The following FAM135B variants were observed in gnomAD, a reference collection of about 807,000 sequenced individuals.
The protein encoded by FAM135B is protein FAM135B.
In FAM135B, 43 loss-of-function variants were observed where a neutral mutation model predicts 127.7. That is an observed-to-expected ratio of 0.34 (90% CI 0.26 to 0.43). The LOEUF is 0.43. Among genes scored for constraint, FAM135B ranks in the 20% least tolerant of loss-of-function variants. The pLI is 1.00. For missense variants in FAM135B, 1,558 were observed against 1,725.6 expected, an observed-to-expected ratio of 0.90 and a Z score of 1.72; for synonymous variants, 670 against 665.1, an observed-to-expected ratio of 1.01 and a Z score of -0.11.
In FAM135B at chr8:138,243,147, T is replaced by A. The variant is rs571543468; in HGVS notation, c.543-79A>T. On this transcript the variant is annotated intron_variant, in intron 6 of 19. Transcript: ENST00000395297. This position sits in a 1 kb window ranked among gnomAD's most constrained non-coding sequence, Gnocchi z 7.5. ...CCATTAACTCAGCCCCTTTGAGGAG[T>A]GTTCCTGTGAAGCATTTGGGATAAG... 1.3e-6 allele frequency: 2 copies of A among 1,505,522 alleles called. No homozygotes were observed. The allele number at this position is 1,505,522 out of a possible 1,614,324, so 93.3% of individuals were successfully genotyped here.
intron 1 of FAM135B, among the ~76,000 whole-genome samples, chr8:138,382,809 C>T (rs367657351): frequency 6.6e-6 from 1 of 151,952 alleles, no homozygotes; most frequent in African/African-American, 2.4e-5. Context: ...TTAGAAATAC[C>T]CGACCCCCTC....
intron 6 of FAM135B, among the ~76,000 whole-genome samples, chr8:138,248,327 T>A (rs1245186396): frequency 6.6e-6 from 1 of 152,214 alleles, no homozygotes; most frequent in Non-Finnish European, 1.5e-5. Context: ...GGTCTATATG[T>A]GTTTCTGCCA....
Position 138,178,563 on chromosome 8 carries a change from T to C in FAM135B, c.1001A>G (p.Tyr334Cys). The C allele has an allele frequency of 1.2e-6, 2 of 1,614,008 alleles. No individual in the cohort carries two copies. Among genetic ancestry groups the C allele is most frequent in the East Asian group, 2.2e-5 (1 of 44,858 alleles). ...CAGGGTGTGGTGTTCCTGGGTGAGA[T>C]AAGTGGTCACTTGGGAGTGCAGAGT... ...TVTLHSQVTTYLTQEHHTLRV... is the reference protein window; with the variant it reads ...TVTLHSQVTTCLTQEHHTLRV... Residue 334 changes from tyrosine (Y) to cysteine (C), a missense_variant, in exon 10 of 20, where the codon TAT becomes TGT. By Grantham distance (194) the Tyr-to-Cys change is radical (BLOSUM62 -2). Transcript: ENST00000395297.
In FAM135B at chr8:138,197,617, T is replaced by A. The variant is rs2131139699; in HGVS notation, c.722A>T (p.His241Leu). 1 of 1,614,134 alleles carries A rather than the reference T, an allele frequency of 6.2e-7. No individual in the cohort carries two copies. Among genetic ancestry groups the A allele is most frequent in the South Asian group, 1.1e-5 (1 of 91,068 alleles). ...GAGGAGCAACAGGCACAGGTCTCGG[T>A]GCCACTTGTGTGCGTGCTGCATGCA... Reference protein sequence around the residue: ...ENCMQHAHKWHRDLCLLLLHA... With the variant: ...ENCMQHAHKWLRDLCLLLLHA... Residue 241 changes from histidine to leucine, a missense_variant, in exon 8 of 20, where the codon CAC (histidine) becomes CTC (leucine). By Grantham distance (99) the His-to-Leu change is moderately conservative (BLOSUM62 -3). Coordinates refer to ENST00000395297, the MANE Select transcript of FAM135B (RefSeq NM_015912.4).
intron 1 of FAM135B, among the ~76,000 whole-genome samples, chr8:138,472,616 G>A (rs1376781730): frequency 1.3e-5 from 2 of 148,852 alleles, no homozygotes; most frequent in African/African-American, 2.4e-5. Context: ...AGAGCAGAAG[G>A]AGAAAAAGTG....
intron 12 of FAM135B, among the ~76,000 whole-genome samples, chr8:138,159,010 C>G (rs956317342): frequency 2.6e-5 from 4 of 151,710 alleles, no homozygotes; most frequent in African/African-American, 7.3e-5. Flanking sequence ...TGGTGGCTCA[C>G]GCCTGTAATC....
intron 1 of FAM135B, among the ~76,000 whole-genome samples, chr8:138,489,653 C>A (rs1815124881): frequency 6.6e-6 from 1 of 152,118 alleles, no homozygotes; most frequent in South Asian, 2.1e-4. Flanking sequence ...TGTCCAAGGG[C>A]CTGCACACCC....
At chr8:138,446,027 C>T (rs1488659352) in intron 1 of FAM135B, among the ~76,000 whole-genome samples, 1 of 152,062 alleles carries the variant, frequency 6.6e-6, no homozygotes, top group African/African-American at 2.4e-5. Flanking sequence ...AACAGAGAGC[C>T]AAATCATGAA....
chr8:138,381,988 CAT>C (rs1039417074), intron 1 of FAM135B, among the ~76,000 whole-genome samples: 4 of 152,100 alleles, frequency 2.6e-5, no homozygotes, highest in South Asian at 2.1e-4. Flanking sequence ...GGCTCCCACA[CAT>C]GAGTCAAGGC....
At chr8:138,240,128 C>T (rs1820628375) in intron 7 of FAM135B, among the ~76,000 whole-genome samples, 2 of 151,982 alleles carry the variant, frequency 1.3e-5, no homozygotes, top group South Asian at 4.2e-4. Context: ...GCACATGTAC[C>T]CTAGAACTTA....
chr8:138,153,321 G>C (rs1358176402), intron 12 of FAM135B, 105 bp from the exon 13 acceptor site: 1 of 901,002 alleles, frequency 1.1e-6, no homozygotes, highest in Non-Finnish European at 1.6e-6. Flanking sequence ...ATGTGGACTC[G>C]GTTCGAAGAT....
intron 2 of FAM135B, among the ~76,000 whole-genome samples, chr8:138,315,655 T>C (rs1379017838): frequency 7.6e-6 from 1 of 131,176 alleles, no homozygotes; most frequent in African/African-American, 2.7e-5. Context: ...ACTCAAACAA[T>C]GGAATGTTAT....
At chr8:138,245,897 GT>G (rs111337127) in intron 6 of FAM135B, among the ~76,000 whole-genome samples, 9,228 of 152,230 alleles carry the variant, frequency 0.061, 859 homozygotes, top group African/African-American at 0.2. Flanking sequence ...GTGTTGAATG[GT>G]TTTAACCAAA....
chr8:138,349,767 G>C (rs908083255), intron 2 of FAM135B, among the ~76,000 whole-genome samples: 2 of 152,104 alleles, frequency 1.3e-5, no homozygotes, highest in Non-Finnish European at 2.9e-5. Flanking sequence ...TTTTCTGCAG[G>C]CTGAGATGAG....
chr8:138,311,768 C>T (rs559300791), intron 2 of FAM135B, among the ~76,000 whole-genome samples: 50 of 152,244 alleles, frequency 3.3e-4, no homozygotes, highest in South Asian at 2.3e-3. Flanking sequence ...TGCACATACA[C>T]TCGTAGAATG....
At chr8:138,390,670 C>G (rs1832517613) in intron 1 of FAM135B, among the ~76,000 whole-genome samples, 1 of 152,184 alleles carries the variant, frequency 6.6e-6, no homozygotes, top group Non-Finnish European at 1.5e-5. Context: ...GCTGTGTTCA[C>G]TAATGAAGAA....
At chr8:138,142,224 G>A (rs1243661211) in intron 16 of FAM135B, among the ~76,000 whole-genome samples, 1 of 147,522 alleles carries the variant, frequency 6.8e-6, no homozygotes. Flanking sequence ...TTGGTACAGT[G>A]TAAGAATAAA....
chr8:138,471,220 A>G (rs886069756), intron 1 of FAM135B, among the ~76,000 whole-genome samples: 2 of 151,508 alleles, frequency 1.3e-5, no homozygotes, highest in African/African-American at 4.9e-5. Context: ...ACAATGCTGA[A>G]ATGTATGCTT....
intron 7 of FAM135B, among the ~76,000 whole-genome samples, chr8:138,202,347 G>A (rs917814193): frequency 2.6e-5 from 4 of 151,960 alleles, no homozygotes; most frequent in African/African-American, 9.7e-5. Flanking sequence ...CCTCCTAAGA[G>A]CAAGTGATCC....
Sources: allele counts gnomAD v4.1 joint callset (sites outside exome capture counted in the v4.1 genomes callset), GRCh38; gene constraint gnomAD v4.1.1; non-coding constraint Gnocchi (gnomAD v3.1); transcripts MANE v1.5; gene names NCBI Gene and HGNC (gene_info 2026-07-23, HGNC 2026-07-21).